Variants in LDLRAD4 observed in about 807,000 individuals in gnomAD.
The protein encoded by LDLRAD4 is low-density lipoprotein receptor class A domain-containing protein 4.
In LDLRAD4, 5 loss-of-function variants were observed where a neutral mutation model predicts 17.0. The ratio of observed to expected loss-of-function variants is 0.29; its 90% confidence interval spans 0.15 to 0.62. The LOEUF (loss-of-function observed/expected upper bound fraction) is 0.62. Among genes scored for constraint, LDLRAD4 ranks in the 20% least tolerant of loss-of-function variants. The pLI is 0.84. For synonymous variants in LDLRAD4, 168 were observed against 171.8 expected, an observed-to-expected ratio of 0.98 and a Z score of 0.17; for missense variants, 340 against 424.7, an observed-to-expected ratio of 0.80 and a Z score of 1.75.
At chr18:13,274,647 T>A (rs960409791), upstream of LDLRAD4, among the ~76,000 whole-genome samples, 22 of 152,066 alleles carry the variant, frequency 1.4e-4, no homozygotes, top group African/African-American at 5.1e-4. Context: ...TTCAGGGGAG[T>A]GTGACAGGTT....
chr18:13,617,689 A>G (rs552942041), intron 3 of LDLRAD4, among the ~76,000 whole-genome samples: 36 of 152,378 alleles, frequency 2.4e-4, no homozygotes, highest in Non-Finnish European at 4.6e-4. Context: ...AGAAAACTAT[A>G]AATACACCAA....
intron 3 of LDLRAD4, among the ~76,000 whole-genome samples, chr18:13,538,377 A>T (rs1403029352): frequency 2.6e-5 from 4 of 152,140 alleles, no homozygotes; most frequent in Admixed American, 1.3e-4. Flanking sequence ...TTTTACTGTG[A>T]TTCAATTCAA....
chr18:13,529,037 A>G (rs1336634209), intron 3 of LDLRAD4, among the ~76,000 whole-genome samples: 1 of 152,236 alleles, frequency 6.6e-6, no homozygotes, highest in African/African-American at 2.4e-5. Context: ...GGCCCAACTG[A>G]TGTCAGAATG....
chr18:13,642,105 C>A (rs1392253928), intron 4 of LDLRAD4: 13 of 985,404 alleles, frequency 1.3e-5, no homozygotes, highest in Non-Finnish European at 1.6e-5. Flanking sequence ...GCCCACCCTT[C>A]GTCTCCGAGC....
rs145187723 is a variant in LDLRAD4 at position 13,513,015 on chromosome 18, A to G, written c.181+74631A>G. 9.6e-4 allele frequency among the ~76,000 whole-genome samples: 146 copies of G among 152,380 alleles called. 1 individual carries two copies. The Middle Eastern group carries it at 0.02, about 21-fold the overall frequency. On this transcript the variant is annotated intron_variant, in intron 3 of 5. Transcript: ENST00000359446. Reference sequence around the variant, plus strand: ...TGGATGAAGTTTGGCCACAGATGCTAGTTGCTCAGCAGCAGTTCCTTTAAA... The same window carrying G: ...TGGATGAAGTTTGGCCACAGATGCTGGTTGCTCAGCAGCAGTTCCTTTAAA...
intron 3 of LDLRAD4, chr18:13,562,037 T>C (rs1053042163): frequency 3.9e-5 from 6 of 152,266 alleles, no homozygotes; most frequent in Non-Finnish European, 8.8e-5. Context: ...GGCATCCCTC[T>C]CCTCTCTGGC....
intron 1 of LDLRAD4, among the ~76,000 whole-genome samples, chr18:13,324,102 C>T (rs1278810095): frequency 1.6e-5 from 1 of 62,278 alleles, no homozygotes; most frequent in Non-Finnish European, 2.8e-5. Flanking sequence ...ATGAATTACA[C>T]GTGCGTGGCT....
intron 1 of LDLRAD4, among the ~76,000 whole-genome samples, chr18:13,284,483 A>T (rs2045490881): frequency 6.6e-6 from 1 of 152,160 alleles, no homozygotes; most frequent in South Asian, 2.1e-4. Flanking sequence ...AACTGCTAAA[A>T]AGCCAGCAAA....
At chr18:13,579,913 A>C (rs1036277125) in intron 3 of LDLRAD4, among the ~76,000 whole-genome samples, 2 of 152,162 alleles carry the variant, frequency 1.3e-5, no homozygotes, top group Admixed American at 6.5e-5. Flanking sequence ...GTCCCTTCTC[A>C]GCAGGGCTGC....
chr18:13,546,935 C>T (rs1359709334), intron 3 of LDLRAD4, among the ~76,000 whole-genome samples: 1 of 152,162 alleles, frequency 6.6e-6, no homozygotes, highest in Non-Finnish European at 1.5e-5. Flanking sequence ...ACAGAGGAGT[C>T]CCCTTCTTTT....
intron 1 of LDLRAD4, among the ~76,000 whole-genome samples, chr18:13,375,369 T>C (rs909704968): frequency 3.3e-5 from 5 of 152,248 alleles, no homozygotes; most frequent in Admixed American, 1.3e-4. Flanking sequence ...TCTTGTATGG[T>C]TTTATTGAAC....
chr18:13,502,352 C>G (rs1160378326), intron 3 of LDLRAD4, among the ~76,000 whole-genome samples: 1 of 152,190 alleles, frequency 6.6e-6, no homozygotes, highest in African/African-American at 2.4e-5. Flanking sequence ...TTTTGTGATG[C>G]CTCTTTTCTA....
chr18:13,497,410 C>T (rs1279305691), intron 3 of LDLRAD4, among the ~76,000 whole-genome samples: 2 of 152,030 alleles, frequency 1.3e-5, no homozygotes, highest in Admixed American at 1.3e-4. Context: ...AACTCCTGGC[C>T]TCAAGTGATC....
intron 3 of LDLRAD4, among the ~76,000 whole-genome samples, chr18:13,594,922 T>G (rs1293690): frequency 6.6e-6 from 1 of 151,990 alleles, no homozygotes; most frequent in Non-Finnish European, 1.5e-5. Context: ...TTTACTTGTT[T>G]CAGGTCTATT....
At chr18:13,248,643 A>C (rs1185203157) in intron 1 of LDLRAD4, among the ~76,000 whole-genome samples, 7 of 152,220 alleles carry the variant, frequency 4.6e-5, no homozygotes, top group Admixed American at 4.6e-4. Flanking sequence ...AAAAATGGAC[A>C]CATAATAATT....
At chr18:13,259,612 A>C (rs1486303560) in intron 1 of LDLRAD4, among the ~76,000 whole-genome samples, 2 of 152,182 alleles carry the variant, frequency 1.3e-5, no homozygotes, top group Non-Finnish European at 2.9e-5. Context: ...TAAAGCATAC[A>C]TTGGTATGTG....
intron 3 of LDLRAD4, among the ~76,000 whole-genome samples, chr18:13,618,943 C>G (rs941651851): frequency 6.6e-6 from 1 of 152,204 alleles, no homozygotes; most frequent in African/African-American, 2.4e-5. Flanking sequence ...TGGTGGCTGA[C>G]CCCTGCACAG....
intron 2 of LDLRAD4, among the ~76,000 whole-genome samples, chr18:13,403,920 A>G (rs2087465216): frequency 6.6e-6 from 1 of 152,246 alleles, no homozygotes; most frequent in Non-Finnish European, 1.5e-5. Context: ...GAGGGAGGCC[A>G]TCTGGATGCG....
chr18:13,292,487 A>T (rs928584447), intron 1 of LDLRAD4, among the ~76,000 whole-genome samples: 13 of 152,316 alleles, frequency 8.5e-5, no homozygotes, highest in Non-Finnish European at 1.5e-4. Context: ...GTTAGCCCTT[A>T]CAATATCCCA....
Sources: allele counts gnomAD v4.1 joint callset (sites outside exome capture counted in the v4.1 genomes callset), GRCh38; gene constraint gnomAD v4.1.1; transcripts MANE v1.5; gene names NCBI Gene and HGNC (gene_info 2026-07-23, HGNC 2026-07-21).